The following SLITRK1 variants were observed in gnomAD, a reference collection of about 807,000 sequenced individuals.
SLITRK1 encodes SLIT and NTRK like family member 1, also known as SLIT and NTRK-like protein 1.
SLITRK1 carries 10 observed loss-of-function variants against 42.4 expected under a neutral mutation model. The observed-to-expected ratio is 0.24, with a 90% confidence interval of 0.15 to 0.40. The LOEUF is 0.40. Among genes scored for constraint, SLITRK1 ranks in the 10% least tolerant of loss-of-function variants. SLITRK1 has a pLI of 1.00. For missense variants in SLITRK1, 778 were observed against 848.8 expected (o/e 0.92, Z 1.04); for synonymous variants, 389 against 365.7 (o/e 1.06, Z -0.73).
intron 1 of SLITRK1, 134 bp from the exon 2 acceptor site, chr13:83,881,694 C>T (rs1884817820): frequency 1.7e-6 from 1 of 575,392 alleles, no homozygotes; most frequent in Non-Finnish European, 3.0e-6. Context: ...ATAGCCCAGA[C>T]GCCAGTCAAT....
chr13:83,879,069 T>C lies in SLITRK1; in HGVS notation c.*348A>G. 2 of 362,676 alleles carry C rather than the reference T, an allele frequency of 5.5e-6. No homozygotes were observed. The highest frequency in any genetic ancestry group is 7.6e-5 in the Admixed American group (2 of 26,376). The allele number at this position is 362,676 out of a possible 1,614,324, so 22.5% of individuals were successfully genotyped here. On this transcript the variant is annotated 3_prime_UTR_variant, in exon 2 of 2. Transcript: ENST00000674365. Reference sequence around the variant, plus strand: ...ATATAGATGTGGATATATGTATATATGTATAGAACCGCGGCATCCAACCCC... The same window carrying C: ...ATATAGATGTGGATATATGTATATACGTATAGAACCGCGGCATCCAACCCC...
chr13:83,879,942 G>A lies in SLITRK1; in HGVS notation c.1566C>T (p.Ile522=), dbSNP rs1884774868. Residue 522 remains isoleucine (I), a synonymous_variant, in exon 2 of 2, where the codon ATC becomes ATT. Transcript: ENST00000674365. Reference sequence around the variant, plus strand: ...AGGGGTTTCCGTGGAGGTCTATCTGGATGATGGAGGTTAACTGGTCCAGCA... The same window carrying A: ...AGGGGTTTCCGTGGAGGTCTATCTGAATGATGGAGGTTAACTGGTCCAGCA... The part of the protein sequence containing the change: ...AGVLDQLTSI[I]QIDLHGNPWE... 3 of 1,613,940 alleles carry A rather than the reference G, an allele frequency of 1.9e-6. No homozygotes were observed. The highest frequency in any genetic ancestry group is 2.2e-5 in the East Asian group (1 of 44,852).
In SLITRK1 at chr13:83,881,516, C is replaced by T. The variant is rs927109702; in HGVS notation, c.-9G>A. 1.8e-5 allele frequency: 29 copies of T among 1,613,670 alleles called. No homozygotes were observed. The highest frequency in any genetic ancestry group is 1.7e-5 in the Admixed American group (1 of 59,958). On this transcript the variant is annotated 5_prime_UTR_variant, in exon 2 of 2. Coordinates refer to ENST00000674365, the MANE Select transcript of SLITRK1 (RefSeq NM_001281503.2). Reference sequence around the variant, plus strand: ...AGAATCCAAAGCAGCATTTTTAAAGCGAGCAATTCATCCCCGATCTCATCA... The same window carrying T: ...AGAATCCAAAGCAGCATTTTTAAAGTGAGCAATTCATCCCCGATCTCATCA...
chr13:83,879,519 G>A lies in SLITRK1; in HGVS notation c.1989C>T (p.Ser663=), dbSNP rs759071442. The change falls in exon 2 of 2, where the codon TCC becomes TCT. Residue 663 remains serine, a synonymous_variant. Transcript: ENST00000674365. ...AGGAAGAGTCACAGACTGTCTGTAG[G>A]GAATTAATCTCGGACGCGGAGGAGT... ...DANSSASEIN[S]LQTVCDSSYW... 6.2e-7 allele frequency: 1 copy of A among 1,614,102 alleles called. No homozygotes were observed. Among genetic ancestry groups the A allele is most frequent in the East Asian group, 2.2e-5 (1 of 44,858 alleles).
At position 83,877,375 on chromosome 13, in the gene SLITRK1, A is replaced by T. The variant is rs1046202; in HGVS notation, c.*2042T>A. Reference sequence around the variant, plus strand: ...CTAGCTGATTTATAATCCTATATTAAAAAAAAATCTATAGTCTGCAGTCTT... The same window carrying T: ...CTAGCTGATTTATAATCCTATATTATAAAAAAATCTATAGTCTGCAGTCTT... On this transcript the variant is annotated 3_prime_UTR_variant, in exon 2 of 2. Transcript: ENST00000674365. The T allele has an allele frequency of 0.29, 32,440 of 113,430 alleles. 3,865 individuals carry two copies. The highest frequency in any genetic ancestry group is 0.45 in the African/African-American group (4,541 of 10,100). The allele number at this position is 113,430 out of a possible 1,614,324, so 7.0% of individuals were successfully genotyped here.
In SLITRK1 at chr13:83,880,175, C is replaced by A; in HGVS notation, c.1333G>T (p.Gly445Trp). 6.2e-7 allele frequency: 1 copy of A among 1,613,968 alleles called. No individual in the cohort carries two copies. Among genetic ancestry groups the A allele is most frequent in the Non-Finnish European group, 8.5e-7 (1 of 1,180,008 alleles). The change falls in exon 2 of 2, where the codon GGG (glycine) becomes TGG (tryptophan). Residue 445 changes from glycine (G) to tryptophan (W), a missense_variant. By Grantham distance (184) the Gly-to-Trp change is radical. This residue lies in a region of SLITRK1 where 395 missense variants were observed against 360.4 expected (regional missense o/e 1.10). Transcript: ENST00000674365. ...TTCAGGTACTCTAGGTTTTGCAGCC[C>A]CGCGAATTTCTCCCGGGACAGCGTG... ...LDTLSREKFAGLQNLEYLNVE... is the reference protein window; with the variant it reads ...LDTLSREKFAWLQNLEYLNVE...
Position 83,879,629 on chromosome 13 carries a change from C to G in SLITRK1, c.1879G>C (p.Val627Leu). ...ISVLVPGLLL[V>L]FVTSAFTVVG... ...ACGGTGAAGGCGGAGGTGACAAACACCAGCAGCAGTCCCGGGACCAACACC... is the reference window on the plus strand; with the variant it reads ...ACGGTGAAGGCGGAGGTGACAAACAGCAGCAGCAGTCCCGGGACCAACACC... The change falls in exon 2 of 2, where the codon GTG becomes CTG. Residue 627 changes from valine to leucine, a missense_variant. Around this residue, in one of 4 missense-constraint regions of SLITRK1, gnomAD observed 164 missense variants for 158.2 expected, o/e 1.04. Transcript: ENST00000674365. The G allele has an allele frequency of 1.2e-6, 2 of 1,613,976 alleles. No individual in the cohort carries two copies. Among genetic ancestry groups the G allele is most frequent in the Non-Finnish European group, 1.7e-6 (2 of 1,180,008 alleles).
In SLITRK1 at chr13:83,879,606, G is replaced by A. The variant is rs754441170; in HGVS notation, c.1902C>T (p.Thr634=). 3.7e-6 allele frequency: 6 copies of A among 1,614,026 alleles called. No homozygotes were observed. Among genetic ancestry groups the A allele is most frequent in the South Asian group, 2.2e-5 (2 of 91,052 alleles). Residue 634 remains threonine, a synonymous_variant, in exon 2 of 2, where the codon ACC becomes ACT. Transcript: ENST00000674365. ...LLLVFVTSAF[T]VVGMLVFILR... is the part of the protein sequence containing the mutation. ...GGATAAACACGAGCATGCCCACCAC[G>A]GTGAAGGCGGAGGTGACAAACACCA...
chr13:83,880,173 C>T lies in SLITRK1; in HGVS notation c.1335G>A (p.Gly445=). The change falls in exon 2 of 2, where the codon GGG becomes GGA. Residue 445 remains glycine (G), a synonymous_variant. Coordinates refer to ENST00000674365, the MANE Select transcript of SLITRK1 (RefSeq NM_001281503.2). ...LDTLSREKFA[G]LQNLEYLNVE... ...CGTTCAGGTACTCTAGGTTTTGCAGCCCCGCGAATTTCTCCCGGGACAGCG... is the reference window on the plus strand; with the variant it reads ...CGTTCAGGTACTCTAGGTTTTGCAGTCCCGCGAATTTCTCCCGGGACAGCG... 6.2e-7 allele frequency: 1 copy of T among 1,614,028 alleles called. No individual in the cohort carries two copies. The highest frequency in any genetic ancestry group is 8.5e-7 in the Non-Finnish European group (1 of 1,180,026).
At position 83,879,891 on chromosome 13, in the gene SLITRK1, A is replaced by T. The variant is rs1286645069; in HGVS notation, c.1617T>A (p.Pro539=). ...CCAAGCGTTCTGCCCACTGCTTGAA[A>T]GGCACAATTGTGCAGGAGCACTCCC... ...NPWECSCTIV[P]FKQWAERLGS... The change falls in exon 2 of 2, where the codon CCT becomes CCA. Residue 539 remains proline (P), a synonymous_variant. Transcript: ENST00000674365. 1 of 1,614,094 alleles carries T rather than the reference A, an allele frequency of 6.2e-7. No homozygotes were observed. Among genetic ancestry groups the T allele is most frequent in the Non-Finnish European group, 8.5e-7 (1 of 1,180,028 alleles).
rs935404020 is a variant in SLITRK1 at position 83,880,390 on chromosome 13, T to C, written c.1118A>G (p.Lys373Arg). Reference sequence around the variant, plus strand: ...GAAAAGCTCCTGCACGTTAGAGAGCTTGGGCTTCAAATCAGCCAAGCTGCT... The same window carrying C: ...GAAAAGCTCCTGCACGTTAGAGAGCCTGGGCTTCAAATCAGCCAAGCTGCT... ...NVSSLADLKP[K>R]LSNVQELFLR... The change falls in exon 2 of 2, where the codon AAG becomes AGG. Residue 373 changes from lysine to arginine, a missense_variant. Physicochemically the swap from Lys to Arg is conservative, Grantham distance 26 (BLOSUM62 2). Coordinates refer to ENST00000674365, the MANE Select transcript of SLITRK1 (RefSeq NM_001281503.2). The C allele has an allele frequency of 8.1e-6, 13 of 1,613,810 alleles. No individual in the cohort carries two copies. The Admixed American group carries it at 1.7e-4, about 21-fold the overall frequency.
chr13:83,881,340 C>T lies in SLITRK1; in HGVS notation c.168G>A (p.Pro56=), dbSNP rs1475625099. 1 of 1,614,072 alleles carries T rather than the reference C, an allele frequency of 6.2e-7. No individual in the cohort carries two copies. Among genetic ancestry groups the T allele is most frequent in the Non-Finnish European group, 8.5e-7 (1 of 1,180,024 alleles). Residue 56 remains proline (P), a synonymous_variant, in exon 2 of 2, where the codon CCG becomes CCA. Transcript: ENST00000674365. ...GFTSLQRFTA[P]TSQFYHLFLH... Reference sequence around the variant, plus strand: ...GAAATAAATGGTAAAACTGGGAAGTCGGGGCAGTGAAACGCTGCAGACTTG... The same window carrying T: ...GAAATAAATGGTAAAACTGGGAAGTTGGGGCAGTGAAACGCTGCAGACTTG...
chr13:83,881,052 G>A lies in SLITRK1; in HGVS notation c.456C>T (p.Asp152=), dbSNP rs753684636. 6.2e-7 allele frequency: 1 copy of A among 1,613,948 alleles called. No individual in the cohort carries two copies. The highest frequency in any genetic ancestry group is 2.2e-5 in the East Asian group (1 of 44,872). ...AAATGAGCACCTCCAGCTTGTTCAAGTCCTGGAAGGCCCCCGGGTCTATAT... is the reference window on the plus strand; with the variant it reads ...AAATGAGCACCTCCAGCTTGTTCAAATCCTGGAAGGCCCCCGGGTCTATAT... The part of the protein sequence containing the change: ...LRDIDPGAFQ[D]LNKLEVLILN... Residue 152 remains aspartate (D), a synonymous_variant, in exon 2 of 2, where the codon GAC becomes GAT. Coordinates refer to ENST00000674365, the MANE Select transcript of SLITRK1 (RefSeq NM_001281503.2).
At position 83,881,665 on chromosome 13, in the gene SLITRK1, CT is replaced by C; in HGVS notation, c.-53-106del. On this transcript the variant is annotated intron_variant, in intron 1 of 1. Coordinates refer to ENST00000674365, the MANE Select transcript of SLITRK1 (RefSeq NM_001281503.2). ...GGGGTGGGGGTGGATTCCTTCCTCC[CT>C]AACCCCCCCGCACTGCAATAGCCCA... 7 of 798,968 alleles carry C rather than the reference CT, an allele frequency of 8.8e-6. No homozygotes were observed. The South Asian group carries it at 1.2e-4, about 13-fold the overall frequency. The allele number at this position is 798,968 out of a possible 1,614,324, so 49.5% of individuals were successfully genotyped here.
In SLITRK1 at chr13:83,879,822, C is replaced by T; in HGVS notation, c.1686G>A (p.Val562=). 1 of 1,614,098 alleles carries T rather than the reference C, an allele frequency of 6.2e-7. No homozygotes were observed. Among genetic ancestry groups the T allele is most frequent in the African/African-American group, 1.3e-5 (1 of 75,028 alleles). ...GCATGAAATCCTTTCTAAAGAAGTTCACCGGCGTCTCACACTTGAGGTCGC... is the reference window on the plus strand; with the variant it reads ...GCATGAAATCCTTTCTAAAGAAGTTTACCGGCGTCTCACACTTGAGGTCGC... ...LMSDLKCETP[V]NFFRKDFMLL... is the part of the protein sequence containing the mutation. The change falls in exon 2 of 2, where the codon GTG becomes GTA. Residue 562 remains valine (V), a synonymous_variant. Coordinates refer to ENST00000674365, the MANE Select transcript of SLITRK1 (RefSeq NM_001281503.2).
chr13:83,877,922 G>C lies in SLITRK1; in HGVS notation c.*1495C>G, dbSNP rs1353290007. 1 of 152,316 alleles carries C rather than the reference G, an allele frequency of 6.6e-6. No individual in the cohort carries two copies. Among genetic ancestry groups the C allele is most frequent in the Non-Finnish European group, 1.5e-5 (1 of 68,034 alleles). The allele number at this position is 152,316 out of a possible 1,614,324, so 9.4% of individuals were successfully genotyped here. ...GCAGCACCAACAAAAGCAGCAGAGA[G>C]GGATTTCCAGTATTAATAAAGGGAT... On this transcript the variant is annotated 3_prime_UTR_variant, in exon 2 of 2. Transcript: ENST00000674365.
rs753070860 is a variant in SLITRK1 at position 83,880,286 on chromosome 13, T to G, written c.1222A>C (p.Asn408His). ...YKNLILLDLG[N>H]NNIATVENNT... ...TTCTCTACAGTAGCGATGTTATTGT[T>G]GCCCAGATCCAACAGAATGAGGTTC... is the stretch of plus-strand genomic sequence containing the variant. Residue 408 changes from asparagine to histidine, a missense_variant, in exon 2 of 2, where the codon AAC becomes CAC. Physicochemically the swap from Asn to His is moderately conservative, Grantham distance 68 (BLOSUM62 1). This residue lies in a region of SLITRK1 where 395 missense variants were observed against 360.4 expected (regional missense o/e 1.10). Coordinates refer to ENST00000674365, the MANE Select transcript of SLITRK1 (RefSeq NM_001281503.2). 2 of 1,613,946 alleles carry G rather than the reference T, an allele frequency of 1.2e-6. No homozygotes were observed.
Position 83,881,072 on chromosome 13 carries a change from C to G in SLITRK1, c.436G>C (p.Asp146His). Residue 146 changes from aspartate (D) to histidine (H), a missense_variant, in exon 2 of 2, where the codon GAC becomes CAC. Coordinates refer to ENST00000674365, the MANE Select transcript of SLITRK1 (RefSeq NM_001281503.2). ...QADFNLLRDI[D>H]PGAFQDLNKL... ...TTCAAGTCCTGGAAGGCCCCCGGGT[C>G]TATATCTCGTAATAAATTAAAATCA... 1 of 1,613,994 alleles carries G rather than the reference C, an allele frequency of 6.2e-7. No individual in the cohort carries two copies. The highest frequency in any genetic ancestry group is 1.1e-5 in the South Asian group (1 of 91,068).
In SLITRK1 at chr13:83,881,597, C is replaced by A; in HGVS notation, c.-53-37G>T. The A allele has an allele frequency of 2.4e-6, 3 of 1,269,530 alleles. No homozygotes were observed. In the South Asian group the frequency reaches 3.6e-5, roughly 15 times the overall value. The allele number at this position is 1,269,530 out of a possible 1,614,324, so 78.6% of individuals were successfully genotyped here. On this transcript the variant is annotated intron_variant, in intron 1 of 1. Coordinates refer to ENST00000674365, the MANE Select transcript of SLITRK1 (RefSeq NM_001281503.2). ...AGACACAATTCAAGTTCATTTAGTG[C>A]TCCAATGTCCGAAGCCAGGAAAGGA...
Sources: gnomAD v4.1 joint callset for allele counts on GRCh38, gnomAD v4.1.1 for gene constraint, gnomAD v4.1.1 regional missense constraint, MANE v1.5 for transcripts, NCBI Gene and HGNC (gene_info 2026-07-23, HGNC 2026-07-21) for gene names.